Variants in GPC2 observed in about 807,000 individuals in gnomAD.
GPC2 encodes glypican-2.
A neutral mutation model predicts 57.3 loss-of-function variants in GPC2; 42 were observed. The observed-to-expected ratio is 0.73, with a 90% CI of 0.57 to 0.95. The LOEUF (loss-of-function observed/expected upper bound fraction) is 0.95, where lower values mean the gene tolerates loss of function less well. Ranked by LOEUF, GPC2 falls within the 40% of genes least tolerant of loss-of-function variation. The pLI, the probability that GPC2 is intolerant of heterozygous loss-of-function variation, is 0.00. For synonymous variants in GPC2, 364 were observed against 343.4 expected, an observed-to-expected ratio of 1.06 and a Z score of -0.66; for missense variants, 745 against 793.6, an observed-to-expected ratio of 0.94 and a Z score of 0.74.
chr7:100,171,345 G>A lies in GPC2; in HGVS notation c.1402C>T (p.Arg468Trp). The change falls in exon 9 of 10, where the codon CGG (arginine) becomes TGG (tryptophan). Residue 468 changes from arginine to tryptophan, a missense_variant. By Grantham distance (101) the Arg-to-Trp change is moderately radical. Coordinates refer to ENST00000292377, the MANE Select transcript of GPC2 (RefSeq NM_152742.3). This position sits in a 1 kb window ranked among gnomAD's most constrained non-coding sequence, Gnocchi z 4.8. ...GCCCGGAGCTGTAGCCGACGCCGCC[G>A]TGTCGGGACATCGGGGCCCGAGGCG... ...VDASGPDVPT[R>W]RRRLQLRAAT... 1.3e-6 allele frequency: 2 copies of A among 1,545,440 alleles called. No individual in the cohort carries two copies. Among genetic ancestry groups the A allele is most frequent in the Non-Finnish European group, 1.7e-6 (2 of 1,145,642 alleles).
Position 100,175,695 on chromosome 7 carries a change from G to A in GPC2, c.525C>T (p.Phe175=). ...AGCTGTACTGTGGGTGCAGCAGCGGGAACACTCTCTCCAGGAGCTGTGCCC... is the reference window on the plus strand; with the variant it reads ...AGCTGTACTGTGGGTGCAGCAGCGGAAACACTCTCTCCAGGAGCTGTGCCC... ...DFWAQLLERV[F]PLLHPQYSFP... The change falls in exon 3 of 10, where the codon TTC becomes TTT. Residue 175 remains phenylalanine, a synonymous_variant. Transcript: ENST00000292377. 1 of 1,614,100 alleles carries A rather than the reference G, an allele frequency of 6.2e-7. No individual in the cohort carries two copies. Among genetic ancestry groups the A allele is most frequent in the South Asian group, 1.1e-5 (1 of 91,076 alleles).
At position 100,175,775 on chromosome 7, in the gene GPC2, G is replaced by A. The variant is rs1279142519; in HGVS notation, c.445C>T (p.Arg149Ter). 6 of 1,614,108 alleles carry A rather than the reference G, an allele frequency of 3.7e-6. No individual in the cohort carries two copies. Among genetic ancestry groups the A allele is most frequent in the Admixed American group, 1.7e-5 (1 of 60,016 alleles). ...LIFNGLFSRL[R>*]DFYGESGEGL... is the part of the protein sequence containing the mutation. The stretch of plus-strand genomic sequence containing the variant: ...TCACCAGATTCCCCATAGAAGTCTC[G>A]CAGCCGAGAGAACAGGCCATTGAAT... Residue 149 changes from arginine (R) to a stop codon, truncating the protein, a stop_gained, in exon 3 of 10, where the codon CGA becomes TGA. Transcript: ENST00000292377. LOFTEE classifies it high-confidence loss of function.
In GPC2 at chr7:100,171,617, G is replaced by C; in HGVS notation, c.1232C>G (p.Thr411Arg). The C allele has an allele frequency of 6.5e-7, 1 of 1,534,972 alleles. No homozygotes were observed. Among genetic ancestry groups the C allele is most frequent in the Non-Finnish European group, 8.7e-7 (1 of 1,153,710 alleles). The stretch of plus-strand genomic sequence containing the variant: ...TGCCATGCGAGAGTCTCCGCACACC[G>C]TCAGGGACAGCCGGGCCCAGAAGCC... The part of the protein sequence containing the change: ...MRGFWARLSL[T>R]VCGDSRMAAD... Residue 411 changes from threonine to arginine, a missense_variant, in exon 8 of 10, where the codon ACG becomes AGG. Thr to Arg is a moderately conservative substitution (Grantham distance 71). Around this residue, in one of 2 missense-constraint regions of GPC2, gnomAD observed 607 missense variants for 603.9 expected, o/e 1.01. Coordinates refer to ENST00000292377, the MANE Select transcript of GPC2 (RefSeq NM_152742.3). This position sits in a 1 kb window ranked among gnomAD's most constrained non-coding sequence, Gnocchi z 4.8.
chr7:100,170,587 G>C (rs982282504), intron 9 of GPC2, 104 bp from the exon 10 acceptor site: 8 of 1,109,656 alleles, frequency 7.2e-6, no homozygotes, highest in Admixed American at 3.4e-5. Flanking sequence ...AGGAAAGGGA[G>C]GGAGACACAG....
intron 5 of GPC2, among the ~76,000 whole-genome samples, 166 bp from the exon 6 acceptor site, chr7:100,172,383 CCATTT>C (rs1387052962): frequency 6.6e-6 from 1 of 152,034 alleles, no homozygotes; most frequent in Non-Finnish European, 1.5e-5. Flanking sequence ...AAGCCCCTCT[CCATTT>C]CACCCCCAGC....
At position 100,175,821 on chromosome 7, in the gene GPC2, C is replaced by T; in HGVS notation, c.399G>A (p.Leu133=). Residue 133 remains leucine, a synonymous_variant, in exon 3 of 10, where the codon CTG becomes CTA. Coordinates refer to ENST00000292377, the MANE Select transcript of GPC2 (RefSeq NM_152742.3). Reference sequence around the variant, plus strand: ...TGAATATGAGGGCGTGCTGGGCATACAGGCGGCCGTAGGAGTGGGAGAAGA... The same window carrying T: ...TGAATATGAGGGCGTGCTGGGCATATAGGCGGCCGTAGGAGTGGGAGAAGA... ...TQLFSHSYGR[L]YAQHALIFNG... is the part of the protein sequence containing the mutation. 1 of 1,613,964 alleles carries T rather than the reference C, an allele frequency of 6.2e-7. No individual in the cohort carries two copies. Among genetic ancestry groups the T allele is most frequent in the South Asian group, 1.1e-5 (1 of 91,076 alleles).
chr7:100,177,254 C>A lies in GPC2; in HGVS notation c.-55G>T. The A allele has an allele frequency of 6.7e-7, 1 of 1,499,214 alleles. No individual in the cohort carries two copies. The highest frequency in any genetic ancestry group is 9.0e-7 in the Non-Finnish European group (1 of 1,112,700). 92.9% of individuals were successfully genotyped at this position (1,499,214 alleles called of 1,614,324 possible). On this transcript the variant is annotated 5_prime_UTR_variant, in exon 1 of 10. It introduces an in-frame stop codon into an upstream open reading frame of the 5' UTR. Coordinates refer to ENST00000292377, the MANE Select transcript of GPC2 (RefSeq NM_152742.3). ...GGTCCTAAGGAGGAAAGCAGAGCCT[C>A]CCAAACTCGGGAATCCGGTACTCGG...
intron 9 of GPC2, among the ~76,000 whole-genome samples, chr7:100,170,876 C>T (rs1226942451): frequency 1.3e-5 from 2 of 152,054 alleles, no homozygotes; most frequent in South Asian, 2.1e-4. Context: ...GAGAAGAAAA[C>T]AATGAGTGTC....
In GPC2 at chr7:100,177,213, C is replaced by T. The variant is rs1377229737; in HGVS notation, c.-14G>A. ...CAGCGCGGACATAACTGCAGCCACC[C>T]CAGGACGGCAAAGTGGGTCCTAAGG... On this transcript the variant is annotated 5_prime_UTR_variant, in exon 1 of 10. An upstream open reading frame in the 5' UTR gains an earlier in-frame stop. Transcript: ENST00000292377. 1.2e-6 allele frequency: 2 copies of T among 1,606,230 alleles called. No individual in the cohort carries two copies. Among genetic ancestry groups the T allele is most frequent in the South Asian group, 2.2e-5 (2 of 89,816 alleles).
rs1205948821 is a variant in GPC2, at chr7:100,171,968, A to G, written c.1024-43T>C. 1.9e-6 allele frequency: 3 copies of G among 1,545,048 alleles called. No individual in the cohort carries two copies. The highest frequency in any genetic ancestry group is 2.7e-5 in the African/African-American group (2 of 72,918). ...GACCTCACACAGTCACCCTGGGGGG[A>G]AACCACACTGCGTCCCCACTCTGAC... On this transcript the variant is annotated intron_variant, in intron 6 of 9. Coordinates refer to ENST00000292377, the MANE Select transcript of GPC2 (RefSeq NM_152742.3). This position sits in a 1 kb window ranked among gnomAD's most constrained non-coding sequence, Gnocchi z 4.8.
At chr7:100,170,994 C>T (rs1486593645) in intron 9 of GPC2, 1 of 401,784 alleles carries the variant, frequency 2.5e-6, no homozygotes, top group Non-Finnish European at 4.4e-6. Flanking sequence ...CCCCATTTTC[C>T]CACTGCCCTT....
chr7:100,173,022 T>C (rs969091788), intron 5 of GPC2, among the ~76,000 whole-genome samples: 2 of 151,940 alleles, frequency 1.3e-5, no homozygotes, highest in African/African-American at 4.8e-5. Flanking sequence ...TACAGGTGCA[T>C]GCCACCACGC....
intron 9 of GPC2, 60 bp from the exon 10 acceptor site, chr7:100,170,543 AG>A: frequency 6.6e-6 from 9 of 1,372,862 alleles, no homozygotes; most frequent in Non-Finnish European, 8.6e-6. Context: ...AGACAGAGGG[AG>A]GAAAAGAAAT....
rs746323875 is a variant in GPC2, at chr7:100,171,824, C to G, written c.1125G>C (p.Glu375Asp). The G allele has an allele frequency of 6.4e-6, 10 of 1,574,646 alleles. No individual in the cohort carries two copies. Among genetic ancestry groups the G allele is most frequent in the Non-Finnish European group, 8.6e-6 (10 of 1,168,784 alleles). ...CTGCGGCCGTCGTGGGCCGCTCCTC[C>G]TCGGTCACCATCGACCACAGCCGGC... ...EAGRLWSMVT[E>D]EERPTTAAGT... Residue 375 changes from glutamate (E) to aspartate (D), a missense_variant, in exon 7 of 10, where the codon GAG (glutamate) becomes GAC (aspartate). Coordinates refer to ENST00000292377, the MANE Select transcript of GPC2 (RefSeq NM_152742.3). This position sits in a 1 kb window ranked among gnomAD's most constrained non-coding sequence, Gnocchi z 4.8.
chr7:100,171,851 C>G lies in GPC2; in HGVS notation c.1098G>C (p.Ala366=). 6.4e-7 allele frequency: 1 copy of G among 1,551,320 alleles called. No homozygotes were observed. The highest frequency in any genetic ancestry group is 8.6e-7 in the Non-Finnish European group (1 of 1,156,682). ...CGGTCACCATCGACCACAGCCGGCC[C>G]GCCTCTTCCCGGGGCGGCGGGGCTC... ...NRRAPPPREE[A]GRLWSMVTEE... Residue 366 remains alanine (A), a synonymous_variant, in exon 7 of 10, where the codon GCG becomes GCC. Coordinates refer to ENST00000292377, the MANE Select transcript of GPC2 (RefSeq NM_152742.3). The surrounding 1 kb of genome is among the most constrained non-coding windows in gnomAD (Gnocchi z 4.8).
At position 100,175,713 on chromosome 7, in the gene GPC2, C is replaced by G; in HGVS notation, c.507G>C (p.Gln169His). The change falls in exon 3 of 10, where the codon CAG (glutamine) becomes CAC (histidine). Residue 169 changes from glutamine (Q) to histidine (H), a missense_variant. Physicochemically the swap from Gln to His is conservative, Grantham distance 24. Coordinates refer to ENST00000292377, the MANE Select transcript of GPC2 (RefSeq NM_152742.3). ...LDDTLADFWA[Q>H]LLERVFPLLH... ...GCAGCGGGAACACTCTCTCCAGGAG[C>G]TGTGCCCAGAAATCCGCCAGGGTGT... The G allele has an allele frequency of 6.2e-7, 1 of 1,614,130 alleles. No homozygotes were observed. The highest frequency in any genetic ancestry group is 8.5e-7 in the Non-Finnish European group (1 of 1,180,018).
rs3823643 is a variant in GPC2 at position 100,176,724 on chromosome 7, A to G, written c.166+310T>C. ...GAAGGGTGGGGTTACTTGGTGAGCA[A>G]TAAAGTATTCTCATAGAAGGGGCTA... is the stretch of plus-strand genomic sequence containing the variant. On this transcript the variant is annotated intron_variant, in intron 1 of 9. Coordinates refer to ENST00000292377, the MANE Select transcript of GPC2 (RefSeq NM_152742.3). Among the ~76,000 whole-genome samples, 8 of 152,298 alleles carry G rather than the reference A, an allele frequency of 5.3e-5. No individual in the cohort carries two copies. The East Asian group carries it at 1.4e-3, about 26-fold the overall frequency.
chr7:100,172,725 A>G (rs1288278063), intron 5 of GPC2, among the ~76,000 whole-genome samples: 52 of 129,020 alleles, frequency 4.0e-4, no homozygotes, highest in East Asian at 1.7e-3. Context: ...ATATACACGT[A>G]TATATATGTG....
chr7:100,175,216 A>T (rs556362499), intron 3 of GPC2, among the ~76,000 whole-genome samples: 1 of 152,340 alleles, frequency 6.6e-6, no homozygotes, highest in African/African-American at 2.4e-5. Context: ...TTGCGTATTG[A>T]ATGCACAATT....
Sources: gnomAD v4.1 joint callset for allele counts (sites outside exome capture counted in the v4.1 genomes callset) on GRCh38, gnomAD v4.1.1 for gene constraint, gnomAD v4.1.1 regional missense constraint, Gnocchi (gnomAD v3.1) non-coding constraint, MANE v1.5 for transcripts, NCBI Gene and HGNC (gene_info 2026-07-23, HGNC 2026-07-21) for gene names.